Variants in PRELID2 observed in about 807,000 individuals in gnomAD.
PRELID2 encodes PRELI domain containing 2, also known as PRELI domain-containing protein 2.
A neutral mutation model predicts 28.4 loss-of-function variants in PRELID2; 25 were observed. That is an observed-to-expected ratio of 0.88 (90% confidence interval 0.64 to 1.23). The LOEUF (loss-of-function observed/expected upper bound fraction) is 1.23. PRELID2 is among the 50% of genes most tolerant of loss of function. PRELID2 has a pLI of 0.00. For missense variants in PRELID2, 201 were observed against 214.4 expected (o/e 0.94, Z 0.39); for synonymous variants, 76 against 71.6 (o/e 1.06, Z -0.31).
chr5:145,496,032 T>C (rs1237906302), intron 1 of PRELID2, among the ~76,000 whole-genome samples: 2 of 152,324 alleles, frequency 1.3e-5, no homozygotes, highest in East Asian at 3.9e-4. Flanking sequence ...CACAAAAGTT[T>C]GTCTGTCTCA....
At chr5:145,701,962 A>T (rs1755416948) in intron 1 of PRELID2, among the ~76,000 whole-genome samples, 1 of 152,032 alleles carries the variant, frequency 6.6e-6, no homozygotes, top group African/African-American at 2.4e-5. Flanking sequence ...AAGACAGGAG[A>T]AATGCTTAAA....
At chr5:145,564,024 G>T (rs1752945064) in intron 1 of PRELID2, among the ~76,000 whole-genome samples, 1 of 152,160 alleles carries the variant, frequency 6.6e-6, no homozygotes, top group African/African-American at 2.4e-5. Context: ...ACATCATGTT[G>T]TGCAAGTAAA....
At chr5:145,754,509 A>G (rs1352794175), downstream of PRELID2, 1 of 152,226 alleles carries the variant, frequency 6.6e-6, no homozygotes, top group Non-Finnish European at 1.5e-5. Context: ...ATGAAAAACT[A>G]TGCATGAATT....
chr5:145,395,042 C>T, the PRELID2 span, among the ~76,000 whole-genome samples: 1 of 152,046 alleles, frequency 6.6e-6, no homozygotes, highest in Non-Finnish European at 1.5e-5. Flanking sequence ...TAAGAGATGG[C>T]TGCAATGTAC....
intron 1 of PRELID2, among the ~76,000 whole-genome samples, chr5:145,521,108 T>C (rs569278601): frequency 6.6e-6 from 1 of 152,230 alleles, no homozygotes; most frequent in African/African-American, 2.4e-5. Context: ...TCACAGAAAT[T>C]AAAGATGAGG....
At chr5:145,324,395 C>G in the PRELID2 span, among the ~76,000 whole-genome samples, 1 of 152,152 alleles carries the variant, frequency 6.6e-6, no homozygotes, top group African/African-American at 2.4e-5. Flanking sequence ...CTCTTAGGAG[C>G]CAGGGTCCAA....
At chr5:145,714,441 C>A (rs911018602) in intron 1 of PRELID2, among the ~76,000 whole-genome samples, 2 of 152,056 alleles carry the variant, frequency 1.3e-5, no homozygotes, top group Non-Finnish European at 2.9e-5. Context: ...GGTCAATAAA[C>A]CCTATTCCCT....
At chr5:145,575,752 G>C (rs2149621072) in intron 1 of PRELID2, among the ~76,000 whole-genome samples, 1 of 152,222 alleles carries the variant, frequency 6.6e-6, no homozygotes, top group South Asian at 2.1e-4. Context: ...GCTACCTCAA[G>C]GGAGCATGAG....
intron 1 of PRELID2, among the ~76,000 whole-genome samples, chr5:145,638,080 G>A (rs1428075878): frequency 2.0e-5 from 3 of 152,070 alleles, no homozygotes; most frequent in African/African-American, 7.2e-5. Flanking sequence ...CAAAGTGCTG[G>A]GATAACAGGC....
chr5:145,499,937 C>T (rs1752345175), intron 1 of PRELID2, among the ~76,000 whole-genome samples: 1 of 152,218 alleles, frequency 6.6e-6, no homozygotes, highest in Non-Finnish European at 1.5e-5. Flanking sequence ...TACCTGTAAA[C>T]CCCACACTTG....
At chr5:145,279,566 T>C in the PRELID2 span, among the ~76,000 whole-genome samples, 1 of 152,172 alleles carries the variant, frequency 6.6e-6, no homozygotes, top group Non-Finnish European at 1.5e-5. Flanking sequence ...GCTTGCCAAA[T>C]GGCTAGAATT....
intron 1 of PRELID2, among the ~76,000 whole-genome samples, chr5:145,736,299 C>A (rs928499410): frequency 2.0e-5 from 3 of 152,090 alleles, no homozygotes; most frequent in African/African-American, 4.8e-5. Flanking sequence ...CAATTGAGTT[C>A]TTTGCATTTG....
intron 1 of PRELID2, chr5:145,728,507 G>T: frequency 1.4e-6 from 1 of 705,696 alleles, no homozygotes; most frequent in Non-Finnish European, 2.6e-6. Flanking sequence ...AGGAAAACCA[G>T]AGTTTGGTCC....
At chr5:145,541,428 T>C (rs962803641) in intron 1 of PRELID2, among the ~76,000 whole-genome samples, 3 of 152,050 alleles carry the variant, frequency 2.0e-5, no homozygotes, top group African/African-American at 7.2e-5. Flanking sequence ...CCTAAGGTCA[T>C]AGTAAACTAG....
At chr5:145,368,024 G>C in the PRELID2 span, among the ~76,000 whole-genome samples, 11 of 151,900 alleles carry the variant, frequency 7.2e-5, no homozygotes, top group Non-Finnish European at 1.5e-4. Flanking sequence ...CAATTAATAA[G>C]AGTTCCTGTT....
the PRELID2 span, among the ~76,000 whole-genome samples, chr5:145,416,581 G>T: frequency 6.6e-6 from 1 of 151,988 alleles, no homozygotes; most frequent in Non-Finnish European, 1.5e-5. Flanking sequence ...GCAGAAATCA[G>T]GAAGTTCTTT....
chr5:145,422,878 T>G, the PRELID2 span, among the ~76,000 whole-genome samples: 3 of 152,270 alleles, frequency 2.0e-5, no homozygotes, highest in East Asian at 5.8e-4. Context: ...TGGTACCGGT[T>G]GTTCCTTTCC....
At chr5:145,454,657 T>G in the PRELID2 span, among the ~76,000 whole-genome samples, 4 of 152,124 alleles carry the variant, frequency 2.6e-5, no homozygotes, top group Admixed American at 1.3e-4. Context: ...GAGAGCCAAA[T>G]CATGAGTGAA....
intron 1 of PRELID2, among the ~76,000 whole-genome samples, chr5:145,639,465 A>C (rs948272461): frequency 1.3e-5 from 2 of 152,166 alleles, no homozygotes; most frequent in African/African-American, 4.8e-5. Context: ...AATTCCCTGA[A>C]AACTGTCTCA....
Sources: gnomAD v4.1 joint callset for allele counts (sites outside exome capture counted in the v4.1 genomes callset) on GRCh38, gnomAD v4.1.1 for gene constraint, MANE v1.5 for transcripts, NCBI Gene and HGNC (gene_info 2026-07-23, HGNC 2026-07-21) for gene names.